The following CNTN4 variants were observed in gnomAD, a reference collection of about 807,000 sequenced individuals.
CNTN4 encodes contactin-4.
In CNTN4, 77 loss-of-function variants were observed where a neutral mutation model predicts 122.5. That is an observed-to-expected ratio of 0.63 (90% confidence interval 0.52 to 0.76). The LOEUF (loss-of-function observed/expected upper bound fraction) is 0.76, where lower values mean the gene tolerates loss of function less well. CNTN4 is among the 30% of genes least tolerant of loss of function. The pLI is 0.00. For missense variants in CNTN4, 1,256 were observed against 1,259.1 expected, an observed-to-expected ratio of 1.00 and a Z score of 0.04; for synonymous variants, 512 against 447.0, an observed-to-expected ratio of 1.15 and a Z score of -1.83.
At chr3:3,016,870 A>C (rs946983969) in intron 14 of CNTN4, among the ~76,000 whole-genome samples, 9 of 152,170 alleles carry the variant, frequency 5.9e-5, no homozygotes, top group African/African-American at 2.2e-4. Context: ...CATTCCACTC[A>C]GGGGCGATTT....
intron 2 of CNTN4, among the ~76,000 whole-genome samples, chr3:2,271,055 A>G (rs1047592414): frequency 3.9e-5 from 6 of 152,164 alleles, no homozygotes; most frequent in African/African-American, 7.2e-5. Flanking sequence ...TGACAGTAGC[A>G]GGCAGAATAT....
intron 6 of CNTN4, among the ~76,000 whole-genome samples, chr3:2,803,661 G>A (rs1443537624): frequency 1.3e-5 from 2 of 151,632 alleles, no homozygotes; most frequent in Admixed American, 6.6e-5. Context: ...CTGGGTTCAA[G>A]CAATTCTCCT....
chr3:2,187,062 T>A (rs933671317), intron 2 of CNTN4, among the ~76,000 whole-genome samples: 4 of 152,220 alleles, frequency 2.6e-5, no homozygotes, highest in African/African-American at 9.7e-5. Context: ...TGGTTTTAGG[T>A]CTAACATTTA....
At chr3:2,838,982 A>G (rs557812680) in intron 7 of CNTN4, among the ~76,000 whole-genome samples, 1 of 152,284 alleles carries the variant, frequency 6.6e-6, no homozygotes, top group Non-Finnish European at 1.5e-5. Context: ...CAGGTAGATT[A>G]TTATCTCAAA....
intron 4 of CNTN4, among the ~76,000 whole-genome samples, chr3:2,714,585 C>T (rs931756981): frequency 6.6e-6 from 1 of 152,084 alleles, no homozygotes; most frequent in Non-Finnish European, 1.5e-5. Context: ...AACAAGTACT[C>T]AGCCCCAAAG....
intron 6 of CNTN4, among the ~76,000 whole-genome samples, chr3:2,790,766 C>T (rs578113022): frequency 6.6e-6 from 1 of 152,042 alleles, no homozygotes; most frequent in South Asian, 2.1e-4. Flanking sequence ...CTTTTTCTGC[C>T]ATTCATAACT....
rs183535885 is a variant in CNTN4 at position 2,178,247 on chromosome 3, C to G, written c.-145+77608C>G. On this transcript the variant is annotated intron_variant, in intron 2 of 24. Coordinates refer to ENST00000418658, the MANE Select transcript of CNTN4 (RefSeq NM_175607.3). ...TTGAATTAATATATAATTCATTGCT[C>G]TACACAAAGGTACATACTTTTTTTT... 6.4e-4 allele frequency among the ~76,000 whole-genome samples: 98 copies of G among 152,080 alleles called. 1 individual carries two copies. Among genetic ancestry groups the G allele is most frequent in the African/African-American group, 1.9e-3 (79 of 41,518 alleles).
At chr3:2,753,976 G>T (rs1180101996) in intron 6 of CNTN4, among the ~76,000 whole-genome samples, 2 of 152,134 alleles carry the variant, frequency 1.3e-5, no homozygotes, top group Non-Finnish European at 2.9e-5. Context: ...TTAAGATGCA[G>T]ATTTCCAATT....
At chr3:2,820,080 C>A (rs2092829162) in intron 7 of CNTN4, among the ~76,000 whole-genome samples, 1 of 152,152 alleles carries the variant, frequency 6.6e-6, no homozygotes, top group African/African-American at 2.4e-5. Context: ...ACAGTAACTA[C>A]CCCATTAACT....
At position 2,330,840 on chromosome 3, in the gene CNTN4, C is replaced by G. The variant is rs182141955; in HGVS notation, c.-144-8338C>G. 3.4e-3 allele frequency among the ~76,000 whole-genome samples: 510 copies of G among 152,184 alleles called. 11 individuals carry two copies. Among genetic ancestry groups the G allele is most frequent in the Admixed American group, 0.032 (488 of 15,276 alleles). On this transcript the variant is annotated intron_variant, in intron 2 of 24. Transcript: ENST00000418658. Reference sequence around the variant, plus strand: ...ATTGTTTTTCTTTGCTTCACAGAAACGTAGGTACTGTTTTCCCCTAAGTTG... The same window carrying G: ...ATTGTTTTTCTTTGCTTCACAGAAAGGTAGGTACTGTTTTCCCCTAAGTTG...
intron 2 of CNTN4, among the ~76,000 whole-genome samples, chr3:2,151,452 G>C (rs2035491284): frequency 6.6e-6 from 1 of 152,178 alleles, no homozygotes; most frequent in Non-Finnish European, 1.5e-5. Context: ...CAGTCTGGCT[G>C]AGAAAGGGAA....
rs191235719 is a variant in CNTN4, at chr3:2,882,222, G to A, written c.653-923G>A. Among the ~76,000 whole-genome samples, 149 of 152,162 alleles carry A rather than the reference G, an allele frequency of 9.8e-4. 1 individual carries two copies. Among genetic ancestry groups the A allele is most frequent in the African/African-American group, 3.1e-3 (130 of 41,526 alleles). Reference sequence around the variant, plus strand: ...CACTAAAAATACAAAAAAATTAGCTGGGCATGGTGGTGCACAACTGTAGTC... The same window carrying A: ...CACTAAAAATACAAAAAAATTAGCTAGGCATGGTGGTGCACAACTGTAGTC... On this transcript the variant is annotated intron_variant, in intron 8 of 24. Coordinates refer to ENST00000418658, the MANE Select transcript of CNTN4 (RefSeq NM_175607.3).
chr3:2,606,010 T>G (rs2081243190), intron 4 of CNTN4, among the ~76,000 whole-genome samples: 1 of 151,840 alleles, frequency 6.6e-6, no homozygotes, highest in Non-Finnish European at 1.5e-5. Context: ...AGGACTGAGA[T>G]GTGAAGTGAT....
At chr3:2,576,012 T>C (rs950206577) in intron 4 of CNTN4, among the ~76,000 whole-genome samples, 1 of 150,852 alleles carries the variant, frequency 6.6e-6, no homozygotes, top group Non-Finnish European at 1.5e-5. Flanking sequence ...TTTTTTTGTA[T>C]TTTTAGTAGA....
At chr3:2,677,125 TC>T (rs1314761794) in intron 4 of CNTN4, among the ~76,000 whole-genome samples, 7 of 130,878 alleles carry the variant, frequency 5.3e-5, no homozygotes, top group African/African-American at 8.6e-5. Flanking sequence ...GATAGATCAC[TC>T]TTTTAGATAG....
chr3:3,057,350 T>G lies in CNTN4; in HGVS notation c.*1130T>G, dbSNP rs2125934440. The G allele has an allele frequency of 6.5e-6, 1 of 152,780 alleles. No homozygotes were observed. Among genetic ancestry groups the G allele is most frequent in the East Asian group, 1.9e-4 (1 of 5,182 alleles). The allele number at this position is 152,780 out of a possible 1,614,324, so 9.5% of individuals were successfully genotyped here. ...AAGCTCTTTAGTACAATTGTATGGT[T>G]TCTTGATGATTCTGTTTTGCAATAG... On this transcript the variant is annotated 3_prime_UTR_variant, in exon 25 of 25. Coordinates refer to ENST00000418658, the MANE Select transcript of CNTN4 (RefSeq NM_175607.3).
chr3:2,276,460 C>T (rs2041514973), intron 2 of CNTN4, among the ~76,000 whole-genome samples: 2 of 152,170 alleles, frequency 1.3e-5, no homozygotes, highest in South Asian at 4.1e-4. Flanking sequence ...AGGCGTGAGC[C>T]ACTGCGGCAG....
intron 14 of CNTN4, among the ~76,000 whole-genome samples, chr3:3,020,279 G>A (rs1014282156): frequency 2.0e-5 from 3 of 152,086 alleles, no homozygotes; most frequent in Non-Finnish European, 4.4e-5. Context: ...TAGGCACCAG[G>A]GACTTATAAA....
chr3:2,305,516 A>G lies in CNTN4; in HGVS notation c.-144-33662A>G, dbSNP rs184921252. On this transcript the variant is annotated intron_variant, in intron 2 of 24. Transcript: ENST00000418658. ...CTAAATTTAACTTATCCTTTCTTAT[A>G]TACCAATGATATAGTTTCCAAATCT... is the stretch of plus-strand genomic sequence containing the variant. 5.6e-4 allele frequency among the ~76,000 whole-genome samples: 86 copies of G among 152,304 alleles called. 1 individual carries two copies. Among genetic ancestry groups the G allele is most frequent in the Admixed American group, 4.1e-3 (62 of 15,298 alleles).
Sources: allele counts gnomAD v4.1 joint callset (sites outside exome capture counted in the v4.1 genomes callset), GRCh38; gene constraint gnomAD v4.1.1; transcripts MANE v1.5; gene names NCBI Gene and HGNC (gene_info 2026-07-23, HGNC 2026-07-21).